LTBP1: variants seen among roughly 807,000 people sequenced by gnomAD.
The protein encoded by LTBP1 is latent-transforming growth factor beta-binding protein 1.
LTBP1 carries 129 observed loss-of-function variants against 207.6 expected under a neutral mutation model. The ratio of observed to expected loss-of-function variants is 0.62; its 90% confidence interval spans 0.54 to 0.72. LTBP1 has a LOEUF of 0.72. LTBP1 is among the 30% of genes least tolerant of loss of function. The pLI, the probability that LTBP1 is intolerant of heterozygous loss-of-function variation, is 0.00. For missense variants in LTBP1, 2,281 were observed against 2,217.2 expected, an observed-to-expected ratio of 1.03 and a Z score of -0.58; for synonymous variants, 963 against 833.7, an observed-to-expected ratio of 1.16 and a Z score of -2.67.
intron 24 of LTBP1, among the ~76,000 whole-genome samples, chr2:33,319,107 A>T (rs879339202): frequency 1.3e-5 from 2 of 152,134 alleles, no homozygotes; most frequent in Admixed American, 6.5e-5. Context: ...CTCTTAAAAC[A>T]AAAAATCTGA....
At chr2:33,078,375 A>G (rs561923501) in intron 3 of LTBP1, among the ~76,000 whole-genome samples, 4 of 152,256 alleles carry the variant, frequency 2.6e-5, no homozygotes, top group Admixed American at 6.5e-5. Flanking sequence ...CCAACCAACT[A>G]TGAATTTTGA....
chr2:32,995,820 A>G (rs964758046), intron 2 of LTBP1, among the ~76,000 whole-genome samples: 6 of 152,030 alleles, frequency 3.9e-5, no homozygotes, highest in Non-Finnish European at 7.4e-5. Flanking sequence ...ACACCACATG[A>G]TTTTACTGTG....
At chr2:33,191,928 G>A (rs1462356948) in intron 7 of LTBP1, among the ~76,000 whole-genome samples, 1 of 152,212 alleles carries the variant, frequency 6.6e-6, no homozygotes, top group Admixed American at 6.5e-5. Flanking sequence ...TAATTAGGTA[G>A]TAAACTTGGG....
At position 33,182,438 on chromosome 2, in the gene LTBP1, G is replaced by A. The variant is rs182014428; in HGVS notation, c.1202-4418G>A. Among the ~76,000 whole-genome samples, 4 of 151,768 alleles carry A rather than the reference G, an allele frequency of 2.6e-5. No individual in the cohort carries two copies. In the East Asian group the frequency reaches 7.8e-4, roughly 29 times the overall value. On this transcript the variant is annotated intron_variant, in intron 5 of 33. Transcript: ENST00000404816. ...AGCACTTTGGGAGGCCGAGGTGGGC[G>A]GATGATGAAGTCAGGAGATCGAAAC...
At chr2:33,215,965 G>A (rs1336357701) in intron 7 of LTBP1, among the ~76,000 whole-genome samples, 2 of 151,840 alleles carry the variant, frequency 1.3e-5, no homozygotes, top group African/African-American at 4.8e-5. Flanking sequence ...TGCCTGCCTC[G>A]GCCTCCCAAA....
intron 2 of LTBP1, among the ~76,000 whole-genome samples, chr2:32,996,241 C>G (rs1392004397): frequency 6.6e-6 from 1 of 152,130 alleles, no homozygotes; most frequent in Non-Finnish European, 1.5e-5. Context: ...GCTTCAGTGT[C>G]TGGTGAAGGC....
chr2:33,182,687 G>GAGAGATATATATATATATATAT (rs1469125010), intron 5 of LTBP1, among the ~76,000 whole-genome samples: 1 of 67,008 alleles, frequency 1.5e-5, no homozygotes, highest in Non-Finnish European at 3.2e-5. Context: ...AAAAGATGGT[G>GAGAGATATATATATATATATAT]ATATATATAT....
intron 8 of LTBP1, among the ~76,000 whole-genome samples, chr2:33,220,165 G>A (rs947680212): frequency 1.3e-5 from 2 of 152,160 alleles, no homozygotes; most frequent in Non-Finnish European, 2.9e-5. Context: ...TATTCTGTTT[G>A]TGTCCTCTTA....
chr2:33,204,238 A>C (rs912168638), intron 7 of LTBP1, among the ~76,000 whole-genome samples: 1 of 152,110 alleles, frequency 6.6e-6, no homozygotes, highest in Non-Finnish European at 1.5e-5. Flanking sequence ...TCCTTTCTTA[A>C]ATAAAATAAT....
At chr2:32,971,002 TTG>T (rs56246215) in intron 2 of LTBP1, among the ~76,000 whole-genome samples, 8,276 of 142,494 alleles carry the variant, frequency 0.058, 263 homozygotes, top group African/African-American at 0.088. Context: ...TCCTAGGTAT[TTG>T]TGTGTGTGTG....
intron 26 of LTBP1, among the ~76,000 whole-genome samples, chr2:33,354,056 G>T (rs2094821350): frequency 6.6e-6 from 1 of 151,858 alleles, no homozygotes; most frequent in Admixed American, 6.6e-5. Flanking sequence ...GTAGAGACGG[G>T]GTTTCACCAT....
chr2:32,990,377 G>A (rs1043402634), intron 2 of LTBP1, among the ~76,000 whole-genome samples: 2 of 152,180 alleles, frequency 1.3e-5, no homozygotes, highest in East Asian at 1.9e-4. Flanking sequence ...GAAGCAAAGC[G>A]TAGGGTATTA....
chr2:33,301,259 C>T (rs114790055), intron 21 of LTBP1, among the ~76,000 whole-genome samples: 1,804 of 152,204 alleles, frequency 0.012, 32 homozygotes, highest in African/African-American at 0.034. Flanking sequence ...TGAGAGGAAA[C>T]GCCATTTCTT....
chr2:32,990,786 T>G (rs897834210), intron 2 of LTBP1, among the ~76,000 whole-genome samples: 2 of 152,176 alleles, frequency 1.3e-5, no homozygotes, highest in Middle Eastern at 3.2e-3. Context: ...AGTCTACCTG[T>G]CTGCACAGCA....
At chr2:33,279,952 G>A (rs770173260) in intron 18 of LTBP1, 87 bp from the exon 19 acceptor site, 674 of 1,416,598 alleles carry the variant, frequency 4.8e-4, no homozygotes, top group Non-Finnish European at 6.3e-4. Flanking sequence ...GATATAACAT[G>A]CTTTCCCCCG....
At position 33,095,638 on chromosome 2, in the gene LTBP1, A is replaced by C. The variant is rs562292982; in HGVS notation, c.864-14944A>C. Among the ~76,000 whole-genome samples, 188 of 152,292 alleles carry C rather than the reference A, an allele frequency of 1.2e-3. No homozygotes were observed. In the Middle Eastern group the frequency reaches 0.017, roughly 14 times the overall value. On this transcript the variant is annotated intron_variant, in intron 3 of 33. Coordinates refer to ENST00000404816, the MANE Select transcript of LTBP1 (RefSeq NM_206943.4). ...TAGAAAACAGCTCTAAGATGACTGA[A>C]GATGTTGGAATTAGTGCACAAGACT... is the stretch of plus-strand genomic sequence containing the variant.
At chr2:32,949,804 G>A (rs1190418160) in intron 2 of LTBP1, among the ~76,000 whole-genome samples, 1 of 152,154 alleles carries the variant, frequency 6.6e-6, no homozygotes, top group Non-Finnish European at 1.5e-5. Flanking sequence ...ACAGGTGGAT[G>A]AATTTTAAAA....
chr2:33,378,183 A>ATGTGTGTGTGTGTGTGTGTG (rs1196073958), intron 31 of LTBP1, among the ~76,000 whole-genome samples: 76 of 136,336 alleles, frequency 5.6e-4, no homozygotes, highest in Non-Finnish European at 1.1e-3. Context: ...ATATATATAT[A>ATGTGTGTGTGTGTGTGTGTG]TATGTGTGTG....
chr2:33,049,286 G>A (rs941936346), intron 3 of LTBP1, among the ~76,000 whole-genome samples: 6 of 152,168 alleles, frequency 3.9e-5, no homozygotes, highest in Non-Finnish European at 5.9e-5. Context: ...AAGTTTGTAA[G>A]ACCAATGAAA....
Sources: gnomAD v4.1 joint callset for allele counts (sites outside exome capture counted in the v4.1 genomes callset) on GRCh38, gnomAD v4.1.1 for gene constraint, MANE v1.5 for transcripts, NCBI Gene and HGNC (gene_info 2026-07-23, HGNC 2026-07-21) for gene names.